Variants in FOXP2 observed in about 807,000 individuals in gnomAD.
FOXP2 encodes the protein forkhead box P2.
Under a neutral mutation model 115.8 loss-of-function variants are expected in FOXP2, and 12 were observed. That is an observed-to-expected ratio of 0.10 (90% CI 0.07 to 0.17). The LOEUF (loss-of-function observed/expected upper bound fraction) is 0.17. Ranked by LOEUF, FOXP2 falls within the 10% of genes least tolerant of loss-of-function variation. The pLI is 1.00. For synonymous variants in FOXP2, 328 were observed against 297.7 expected (o/e 1.10, Z -1.05); for missense variants, 629 against 843.5 (o/e 0.75, Z 3.15).
At chr7:114,321,371 T>C (rs1797418840) in intron 2 of FOXP2, among the ~76,000 whole-genome samples, 1 of 151,970 alleles carries the variant, frequency 6.6e-6, no homozygotes, top group Non-Finnish European at 1.5e-5. Context: ...GCTAATTTTT[T>C]GTATTTTTAG....
At chr7:114,250,785 G>C (rs1438926563) in intron 1 of FOXP2, among the ~76,000 whole-genome samples, 1 of 152,126 alleles carries the variant, frequency 6.6e-6, no homozygotes, top group Non-Finnish European at 1.5e-5. Context: ...TTGCTGTGCA[G>C]AAGCTCTTTA....
At chr7:114,151,180 C>T (rs1584509178) in intron 1 of FOXP2, among the ~76,000 whole-genome samples, 2 of 151,896 alleles carry the variant, frequency 1.3e-5, no homozygotes, top group East Asian at 1.9e-4. Flanking sequence ...CTTCCCCCTT[C>T]CCATGGTCAG....
chr7:114,594,683 G>A (rs1802606701), intron 3 of FOXP2, among the ~76,000 whole-genome samples: 1 of 151,988 alleles, frequency 6.6e-6, no homozygotes, highest in African/African-American at 2.4e-5. Flanking sequence ...CTGAAAGGTG[G>A]CAGATATTTA....
chr7:114,111,451 G>A (rs552938323), intron 1 of FOXP2, among the ~76,000 whole-genome samples: 1 of 152,116 alleles, frequency 6.6e-6, no homozygotes, highest in African/African-American at 2.4e-5. Context: ...GAACCATGCA[G>A]CTAACACAGA....
At chr7:114,500,854 T>C (rs960135557) in intron 2 of FOXP2, among the ~76,000 whole-genome samples, 3 of 152,180 alleles carry the variant, frequency 2.0e-5, no homozygotes, top group African/African-American at 7.2e-5. Flanking sequence ...AGGATAAAGA[T>C]GGGGAATTGT....
intron 1 of FOXP2, among the ~76,000 whole-genome samples, chr7:114,090,072 G>A (rs1324223422): frequency 6.6e-6 from 1 of 151,776 alleles, no homozygotes; most frequent in Non-Finnish European, 1.5e-5. Flanking sequence ...ACCCTTGTTT[G>A]TTTTTGTGTC....
chr7:114,331,083 A>C (rs1797697678), intron 2 of FOXP2, among the ~76,000 whole-genome samples: 4 of 152,230 alleles, frequency 2.6e-5, no homozygotes, highest in Admixed American at 2.6e-4. Context: ...ATCTTTATTA[A>C]ATTCTCATCC....
intron 1 of FOXP2, among the ~76,000 whole-genome samples, chr7:114,229,826 A>G (rs1794829499): frequency 6.6e-6 from 1 of 151,644 alleles, no homozygotes; most frequent in Non-Finnish European, 1.5e-5. Context: ...TTGACTCTAC[A>G]CCGTAAGAAA....
chr7:114,154,030 A>T (rs1348633559), intron 1 of FOXP2, among the ~76,000 whole-genome samples: 2 of 152,172 alleles, frequency 1.3e-5, no homozygotes, highest in Non-Finnish European at 2.9e-5. Flanking sequence ...GACAGGAGCT[A>T]AAATTCACTA....
intron 2 of FOXP2, among the ~76,000 whole-genome samples, chr7:114,494,329 A>T (rs1797211546): frequency 6.6e-6 from 1 of 152,140 alleles, no homozygotes; most frequent in African/African-American, 2.4e-5. Context: ...ATACTGTTGA[A>T]CCAGTATTTC....
chr7:114,309,486 C>A (rs1797092729), intron 2 of FOXP2, among the ~76,000 whole-genome samples: 1 of 152,146 alleles, frequency 6.6e-6, no homozygotes, highest in Non-Finnish European at 1.5e-5. Flanking sequence ...ACAGCCATGA[C>A]TGGTATGATG....
At chr7:114,235,229 T>C (rs1162900997) in intron 1 of FOXP2, among the ~76,000 whole-genome samples, 1 of 152,212 alleles carries the variant, frequency 6.6e-6, no homozygotes, top group Admixed American at 6.5e-5. Flanking sequence ...TGTTCTTAGT[T>C]TACACATTAT....
rs536695159 is a variant in FOXP2, at chr7:114,223,484, A to T, written c.-102+60396A>T. Among the ~76,000 whole-genome samples the T allele has an allele frequency of 2.6e-4, 38 of 147,146 alleles. 1 individual carries two copies. In the South Asian group the frequency reaches 8.0e-3, roughly 31 times the overall value. On this transcript the variant is annotated intron_variant, in intron 1 of 17. Coordinates refer to the FOXP2 transcript ENST00000634411. ...TTTGAAGGAATTCTTTATATATTAT[A>T]TACATTATATATATATTATATATAA... is the stretch of plus-strand genomic sequence containing the variant.
At chr7:114,273,490 T>C (rs777808583) in intron 1 of FOXP2, among the ~76,000 whole-genome samples, 1 of 152,066 alleles carries the variant, frequency 6.6e-6, no homozygotes, top group Non-Finnish European at 1.5e-5. Context: ...TGTATTCAAC[T>C]ATGTCTTTAC....
intron 2 of FOXP2, among the ~76,000 whole-genome samples, chr7:114,352,416 G>A (rs1013626852): frequency 2.6e-5 from 4 of 152,148 alleles, no homozygotes; most frequent in African/African-American, 2.4e-5. Flanking sequence ...TTAATCCAGA[G>A]GCAGCATCAA....
intron 2 of FOXP2, among the ~76,000 whole-genome samples, chr7:114,376,269 G>C (rs144732114): frequency 2.1e-3 from 314 of 152,206 alleles, no homozygotes; most frequent in African/African-American, 7.1e-3. Context: ...GAAAATTAAG[G>C]GTTCTATTTC....
At chr7:114,515,324 A>T (rs1432143696) in intron 2 of FOXP2, among the ~76,000 whole-genome samples, 2 of 151,466 alleles carry the variant, frequency 1.3e-5, no homozygotes, top group Non-Finnish European at 2.9e-5. Flanking sequence ...ACTAGTTTAC[A>T]GTCCCACCAA....
At chr7:114,606,074 T>A (rs959275977) in intron 3 of FOXP2, among the ~76,000 whole-genome samples, 1 of 152,114 alleles carries the variant, frequency 6.6e-6, no homozygotes, top group African/African-American at 2.4e-5. Context: ...GAAGAGGCAT[T>A]ATAGAAATGA....
At chr7:114,156,755 C>A (rs1383502083) in intron 1 of FOXP2, among the ~76,000 whole-genome samples, 2 of 152,072 alleles carry the variant, frequency 1.3e-5, no homozygotes, top group Non-Finnish European at 2.9e-5. Flanking sequence ...TGACAGTATG[C>A]TAGTTTTAAT....
Sources: allele counts gnomAD v4.1 joint callset (sites outside exome capture counted in the v4.1 genomes callset), GRCh38; gene constraint gnomAD v4.1.1; transcripts MANE v1.5; gene names NCBI Gene and HGNC (gene_info 2026-07-23, HGNC 2026-07-21).